Variants in SYNE2 observed in about 807,000 individuals in gnomAD.
SYNE2 encodes the protein nesprin-2.
Under a neutral mutation model 856.3 loss-of-function variants are expected in SYNE2, and 431 were observed. The observed-to-expected ratio is 0.50, with a 90% CI of 0.47 to 0.55. SYNE2 has a LOEUF of 0.55. SYNE2 is among the 20% of genes least tolerant of loss of function. The pLI is 0.00. For missense variants in SYNE2, 8,129 were observed against 8,023.2 expected, an observed-to-expected ratio of 1.01 and a Z score of -0.50; for synonymous variants, 2,923 against 2,872.3, an observed-to-expected ratio of 1.02 and a Z score of -0.56.
At chr14:64,218,656 A>G (rs1273763214) in intron 109 of SYNE2, 144 bp downstream of exon 109, 4 of 782,890 alleles carry the variant, frequency 5.1e-6, no homozygotes, top group Non-Finnish European at 8.4e-6. Context: ...TGTTATTTTT[A>G]AATCAGCGAT....
At chr14:63,887,124 T>C (rs984476452) in intron 1 of SYNE2, among the ~76,000 whole-genome samples, 16 of 152,026 alleles carry the variant, frequency 1.1e-4, no homozygotes, top group Non-Finnish European at 1.9e-4. Context: ...CTACTAAAAA[T>C]ACAAAAATTA....
chr14:63,915,536 G>A (rs940876298), intron 2 of SYNE2, among the ~76,000 whole-genome samples: 2 of 152,194 alleles, frequency 1.3e-5, no homozygotes, highest in African/African-American at 4.8e-5. Context: ...AGGAATGAGT[G>A]TGGATTCTAT....
intron 45 of SYNE2, among the ~76,000 whole-genome samples, chr14:64,037,673 GGGC>G (rs2097103487): frequency 6.2e-5 from 1 of 16,244 alleles, no homozygotes; most frequent in Non-Finnish European, 3.2e-4. Context: ...GGTGGTGGCC[GGGC>G]AGAGGGGCCC....
intron 60 of SYNE2, among the ~76,000 whole-genome samples, chr14:64,091,513 A>G (rs1345769714): frequency 6.6e-6 from 1 of 152,240 alleles, no homozygotes; most frequent in African/African-American, 2.4e-5. Context: ...TTGCTGAAAG[A>G]CCACAGAGTT....
intron 100 of SYNE2, chr14:64,208,166 C>G (rs985486863): frequency 1.5e-5 from 7 of 455,958 alleles, no homozygotes; most frequent in Non-Finnish European, 2.6e-5. Context: ...ACAGCTTTGG[C>G]TGGACTTTAT....
upstream of SYNE2, among the ~76,000 whole-genome samples, chr14:63,852,313 G>GATTA (rs1229200184): frequency 6.6e-6 from 1 of 152,112 alleles, no homozygotes; most frequent in African/African-American, 2.4e-5. Flanking sequence ...CAAAGGGACT[G>GATTA]ATTATGGGCT....
chr14:64,076,276 A>T (rs1260209384), intron 54 of SYNE2, among the ~76,000 whole-genome samples, 176 bp downstream of exon 54: 1 of 152,212 alleles, frequency 6.6e-6, no homozygotes, highest in Non-Finnish European at 1.5e-5. Context: ...AATATGTGAC[A>T]TAAGATAACA....
At chr14:63,839,332 G>A (rs968145556) in intron 1 of SYNE2, among the ~76,000 whole-genome samples, 4 of 151,820 alleles carry the variant, frequency 2.6e-5, no homozygotes, top group African/African-American at 9.7e-5. Flanking sequence ...CCCGGCCTAA[G>A]ATTTCTTAAT....
Position 64,097,934 on chromosome 14 carries a change from A to G in SYNE2, c.12109-15A>G. On this transcript the variant is annotated splice_polypyrimidine_tract_variant and intron_variant, in intron 61 of 115. Transcript: ENST00000555002. ...TCAGACTTCTCAAACCTATGCAAAC[A>G]CTCTTTCTACACAGGGAGAAATCGA... 6.2e-7 allele frequency: 1 copy of G among 1,613,988 alleles called. No individual in the cohort carries two copies. The highest frequency in any genetic ancestry group is 1.1e-5 in the South Asian group (1 of 91,062).
At chr14:63,925,783 G>A (rs1461248652) in intron 2 of SYNE2, among the ~76,000 whole-genome samples, 3 of 152,044 alleles carry the variant, frequency 2.0e-5, no homozygotes, top group African/African-American at 7.3e-5. Context: ...CTGTGCCTAG[G>A]TTATTTCACT....
chr14:64,099,022 A>C, intron 63 of SYNE2: 1 of 582,258 alleles, frequency 1.7e-6, no homozygotes, highest in South Asian at 1.9e-5. Flanking sequence ...AGTGAGATGA[A>C]TGTAATTCAG....
chr14:63,968,571 T>C (rs2153455182), intron 11 of SYNE2, among the ~76,000 whole-genome samples: 1 of 152,304 alleles, frequency 6.6e-6, no homozygotes, highest in Admixed American at 6.5e-5. Flanking sequence ...TCAGTCCTTT[T>C]CAATTTATTG....
rs761377302 is a variant in SYNE2 at position 64,139,955 on chromosome 14, C to T, written c.14858C>T (p.Ser4953Leu). The change falls in exon 80 of 116, where the codon TCG becomes TTG. Residue 4953 changes from serine (S) to leucine (L), a missense_variant. Coordinates refer to ENST00000555002, the MANE Select transcript of SYNE2 (RefSeq NM_182914.3). ...LKHLLSYNRD[S>L]DQLTKWLESS... Reference sequence around the variant, plus strand: ...GCTCCTGTTAGTTATAACAGAGATTCGGATCAGTTAACCAAGTGGTTGGAA... The same window carrying T: ...GCTCCTGTTAGTTATAACAGAGATTTGGATCAGTTAACCAAGTGGTTGGAA... 2.5e-6 allele frequency: 4 copies of T among 1,613,982 alleles called. No individual in the cohort carries two copies. Among genetic ancestry groups the T allele is most frequent in the South Asian group, 1.1e-5 (1 of 91,080 alleles).
intron 1 of SYNE2, among the ~76,000 whole-genome samples, chr14:63,806,396 G>A (rs927404247): frequency 2.0e-5 from 3 of 152,068 alleles, no homozygotes; most frequent in African/African-American, 7.2e-5. Context: ...ATTTTGTTGA[G>A]GATTTTTGTT....
chr14:63,939,670 T>C (rs564415656), intron 2 of SYNE2, among the ~76,000 whole-genome samples: 1 of 152,302 alleles, frequency 6.6e-6, no homozygotes, highest in East Asian at 1.9e-4. Context: ...ATAAGAGTAA[T>C]AGCCAACACT....
At chr14:64,166,537 G>A (rs924792675) in intron 90 of SYNE2, among the ~76,000 whole-genome samples, 1 of 152,198 alleles carries the variant, frequency 6.6e-6, no homozygotes, top group African/African-American at 2.4e-5. Flanking sequence ...CCCTTGCTCT[G>A]CTAGAGTTAT....
intron 11 of SYNE2, among the ~76,000 whole-genome samples, chr14:63,976,328 T>C (rs1259742596): frequency 6.6e-6 from 1 of 152,216 alleles, no homozygotes; most frequent in Non-Finnish European, 1.5e-5. Context: ...TTGTTTTTTC[T>C]TATGCCTTCT....
Position 64,049,696 on chromosome 14 carries a change from C to A in SYNE2, c.7463C>A (p.Ala2488Asp). Residue 2488 changes from alanine to aspartate, a missense_variant, in exon 47 of 116, where the codon GCC (alanine) becomes GAC (aspartate). Ala to Asp is a moderately radical substitution (Grantham distance 126). Transcript: ENST00000555002. ...TECLNKTETG[A>D]LVLHNIGYSA... ...TGTCTTAACAAAACAGAAACTGGGG[C>A]CTTGGTTCTCCACAATATAGGATAT... is the stretch of plus-strand genomic sequence containing the variant. The A allele has an allele frequency of 6.2e-7, 1 of 1,614,052 alleles. No homozygotes were observed. The highest frequency in any genetic ancestry group is 8.5e-7 in the Non-Finnish European group (1 of 1,180,000).
chr14:64,002,646 T>C (rs1472746053), intron 29 of SYNE2, 74 bp from the exon 30 acceptor site: 1 of 1,532,702 alleles, frequency 6.5e-7, no homozygotes, highest in Non-Finnish European at 8.9e-7. Context: ...GTCATGCAGT[T>C]TGGGGCTAGT....
Sources: gnomAD v4.1 joint callset for allele counts (sites outside exome capture counted in the v4.1 genomes callset) on GRCh38, gnomAD v4.1.1 for gene constraint, MANE v1.5 for transcripts, NCBI Gene and HGNC (gene_info 2026-07-23, HGNC 2026-07-21) for gene names.